The following ZFHX3 variants were observed in gnomAD, a reference collection of about 807,000 sequenced individuals.
The protein encoded by ZFHX3 is zinc finger homeobox protein 3.
In ZFHX3, 42 loss-of-function variants were observed where a neutral mutation model predicts 279.1. The ratio of observed to expected loss-of-function variants is 0.15; its 90% CI spans 0.12 to 0.19. The LOEUF (loss-of-function observed/expected upper bound fraction) is 0.19. Ranked by LOEUF, ZFHX3 falls within the 10% of genes least tolerant of loss-of-function variation. The pLI, the probability that ZFHX3 is intolerant of heterozygous loss-of-function variation, is 1.00. For missense variants in ZFHX3, 4,981 were observed against 4,754.0 expected (o/e 1.05, Z -1.40); for synonymous variants, 2,293 against 1,957.8 (o/e 1.17, Z -4.52).
chr16:73,639,209 A>G (rs2142154576), intron 2 of ZFHX3, among the ~76,000 whole-genome samples: 1 of 152,290 alleles, frequency 6.6e-6, no homozygotes, highest in East Asian at 1.9e-4. Flanking sequence ...CAGCTTAATC[A>G]AGTCCACAGC....
At chr16:73,510,344 C>A (rs1237541231) in intron 2 of ZFHX3, among the ~76,000 whole-genome samples, 2 of 152,076 alleles carry the variant, frequency 1.3e-5, no homozygotes, top group African/African-American at 4.8e-5. Flanking sequence ...GTGTCCCTGG[C>A]ACCTAGATAA....
chr16:73,339,875 C>T (rs891825174), intron 3 of ZFHX3, among the ~76,000 whole-genome samples: 17 of 152,120 alleles, frequency 1.1e-4, no homozygotes, highest in Non-Finnish European at 2.1e-4. Context: ...CAGCTGCTGA[C>T]GATGATGACA....
At chr16:73,349,609 ACTTCCTCCCTCC>A (rs1567457417) in intron 3 of ZFHX3, among the ~76,000 whole-genome samples, 4 of 119,274 alleles carry the variant, frequency 3.4e-5, no homozygotes, top group East Asian at 2.3e-4. Context: ...TCTCTCCCTT[ACTTCCTCCCTCC>A]CTTCCTCCCT....
chr16:73,041,921 G>A (rs1965132072), intron 1 of ZFHX3, among the ~76,000 whole-genome samples: 1 of 152,110 alleles, frequency 6.6e-6, no homozygotes, highest in South Asian at 2.1e-4. Context: ...AAGAACAATT[G>A]TTTAAAAAAA....
At chr16:72,899,895 T>C (rs1029043062) in intron 3 of ZFHX3, among the ~76,000 whole-genome samples, 15 of 152,138 alleles carry the variant, frequency 9.9e-5, no homozygotes, top group African/African-American at 3.6e-4. Context: ...GAAACGAACA[T>C]CTACTGAACA....
chr16:73,205,237 G>A (rs563872407), intron 5 of ZFHX3, among the ~76,000 whole-genome samples: 92 of 152,250 alleles, frequency 6.0e-4, no homozygotes, highest in African/African-American at 2.2e-3. Context: ...AGATCTCACA[G>A]GGTTGTTACT....
chr16:72,958,228 C>A lies in ZFHX3; in HGVS notation c.1918G>T (p.Val640Leu). 1.2e-6 allele frequency: 2 copies of A among 1,612,568 alleles called. No individual in the cohort carries two copies. The highest frequency in any genetic ancestry group is 1.7e-6 in the Non-Finnish European group (2 of 1,178,724). The change falls in exon 2 of 10, where the codon GTG (valine) becomes TTG (leucine). Residue 640 changes from valine to leucine, a missense_variant. Val to Leu is a conservative substitution (Grantham distance 32). Coordinates refer to ENST00000268489, the MANE Select transcript of ZFHX3 (RefSeq NM_006885.4). ...GVGECPSGSGVECPKCDTVLG... is the reference protein window; with the variant it reads ...GVGECPSGSGLECPKCDTVLG... ...ACCGTGTCGCATTTGGGGCACTCCA[C>A]GCCACTCCCCGAGGGGCACTCCCCA...
At chr16:73,143,922 G>A in intron 5 of ZFHX3, 1 of 445,572 alleles carries the variant, frequency 2.2e-6, no homozygotes, top group South Asian at 1.8e-5. Flanking sequence ...TTCTCCCATT[G>A]CTTTTCACTT....
chr16:73,760,281 T>C (rs2053850855), intron 1 of ZFHX3, among the ~76,000 whole-genome samples: 1 of 152,110 alleles, frequency 6.6e-6, no homozygotes, highest in Non-Finnish European at 1.5e-5. Context: ...AGTTCTGAAA[T>C]TGAGGCAGTA....
At chr16:73,865,636 G>A (rs1961996286) in intron 1 of ZFHX3, among the ~76,000 whole-genome samples, 2 of 152,200 alleles carry the variant, frequency 1.3e-5, no homozygotes, top group South Asian at 4.2e-4. Context: ...CTGATTTGGG[G>A]TAAATCTGAA....
intron 2 of ZFHX3, among the ~76,000 whole-genome samples, chr16:73,631,334 T>C (rs981878078): frequency 2.6e-5 from 4 of 152,220 alleles, no homozygotes; most frequent in Non-Finnish European, 5.9e-5. Flanking sequence ...ACACTGCTTC[T>C]GATTTCAAGA....
chr16:73,154,088 C>A (rs983022119), intron 5 of ZFHX3, among the ~76,000 whole-genome samples: 1 of 152,100 alleles, frequency 6.6e-6, no homozygotes, highest in African/African-American at 2.4e-5. Context: ...GCGACCATTG[C>A]GAAAATGTGC....
intron 4 of ZFHX3, among the ~76,000 whole-genome samples, chr16:72,849,988 A>T (rs1332943182): frequency 6.6e-6 from 1 of 151,884 alleles, no homozygotes; most frequent in Non-Finnish European, 1.5e-5. Flanking sequence ...CAGGGGACAT[A>T]AGCTGAAAGA....
At chr16:73,365,223 C>T (rs901383776) in intron 3 of ZFHX3, among the ~76,000 whole-genome samples, 3 of 152,248 alleles carry the variant, frequency 2.0e-5, no homozygotes, top group African/African-American at 7.2e-5. Flanking sequence ...TGCTGCCTGG[C>T]TGCCCGTGCA....
intron 2 of ZFHX3, among the ~76,000 whole-genome samples, chr16:73,651,137 A>G (rs2052666215): frequency 6.6e-6 from 1 of 152,108 alleles, no homozygotes; most frequent in South Asian, 2.1e-4. Context: ...ATTGAAATAA[A>G]AAACACAATA....
chr16:73,329,728 A>T (rs797010861), intron 3 of ZFHX3, among the ~76,000 whole-genome samples: 32 of 152,034 alleles, frequency 2.1e-4, no homozygotes, highest in African/African-American at 7.7e-4. Flanking sequence ...AGAAGGGGGG[A>T]GTTGGGATTA....
At chr16:73,880,634 G>A (rs1408124508) in intron 1 of ZFHX3, among the ~76,000 whole-genome samples, 1 of 152,136 alleles carries the variant, frequency 6.6e-6, no homozygotes, top group African/African-American at 2.4e-5. Flanking sequence ...AACCTGAAAT[G>A]CTTCTATCTA....
At chr16:73,720,299 G>A (rs1478756796) in intron 1 of ZFHX3, among the ~76,000 whole-genome samples, 4 of 152,056 alleles carry the variant, frequency 2.6e-5, no homozygotes, top group Non-Finnish European at 5.9e-5. Context: ...ACACTCTTTG[G>A]CAATATACTT....
At chr16:73,772,669 T>C (rs1317785493) in intron 1 of ZFHX3, among the ~76,000 whole-genome samples, 3 of 152,210 alleles carry the variant, frequency 2.0e-5, no homozygotes, top group Non-Finnish European at 4.4e-5. Context: ...AGGAACTGTG[T>C]ATTTAGCACA....
Sources: gnomAD v4.1 joint callset for allele counts (sites outside exome capture counted in the v4.1 genomes callset) on GRCh38, gnomAD v4.1.1 for gene constraint, MANE v1.5 for transcripts, NCBI Gene and HGNC (gene_info 2026-07-23, HGNC 2026-07-21) for gene names.